The following FRMD4A variants were observed in gnomAD, a reference collection of about 807,000 sequenced individuals.
FRMD4A encodes FERM domain-containing protein 4A.
In FRMD4A, 29 loss-of-function variants were observed where a neutral mutation model predicts 129.1. The observed-to-expected ratio is 0.22, with a 90% CI of 0.17 to 0.31. The LOEUF is 0.31. Ranked by LOEUF, FRMD4A falls within the 10% of genes least tolerant of loss-of-function variation. The pLI is 1.00. For missense variants in FRMD4A, 1,272 were observed against 1,375.8 expected (o/e 0.92, Z 1.19); for synonymous variants, 634 against 571.6 (o/e 1.11, Z -1.56).
At chr10:13,927,797 G>T (rs1565054823) in intron 2 of FRMD4A, among the ~76,000 whole-genome samples, 1 of 152,178 alleles carries the variant, frequency 6.6e-6, no homozygotes, top group Non-Finnish European at 1.5e-5. Flanking sequence ...AAAGTAGTTG[G>T]CAGTGTTGGA....
At chr10:13,719,504 A>T (rs1588413405) in intron 12 of FRMD4A, among the ~76,000 whole-genome samples, 1 of 152,146 alleles carries the variant, frequency 6.6e-6, no homozygotes, top group East Asian at 1.9e-4. Context: ...CCCTACTTGC[A>T]GGTGCCGATT....
chr10:13,654,103 A>G (rs114570621), intron 23 of FRMD4A: 12,774 of 524,260 alleles, frequency 0.024, 744 homozygotes, highest in African/African-American at 0.15. Context: ...AGTATAATCC[A>G]AACCGAAATG....
intron 2 of FRMD4A, among the ~76,000 whole-genome samples, chr10:14,059,287 C>T (rs1358894810): frequency 2.6e-5 from 4 of 152,202 alleles, no homozygotes; most frequent in Non-Finnish European, 5.9e-5. Flanking sequence ...GGTAGGATGT[C>T]TTAGAGACTA....
In FRMD4A at chr10:14,085,786, A is replaced by T. The variant is rs554090973; in HGVS notation, c.46-226874T>A. On this transcript the variant is annotated intron_variant, in intron 2 of 24. Coordinates refer to ENST00000357447, the MANE Select transcript of FRMD4A (RefSeq NM_018027.5). The stretch of plus-strand genomic sequence containing the variant: ...GGACCATCTGCCTGGTCCCAAATGT[A>T]ATTCATGAACTTGGAGGGATCTGCA... 2.6e-5 allele frequency among the ~76,000 whole-genome samples: 4 copies of T among 152,336 alleles called. No homozygotes were observed. In the East Asian group the frequency reaches 7.7e-4, roughly 29 times the overall value.
chr10:13,903,351 G>A (rs527751540), intron 2 of FRMD4A, among the ~76,000 whole-genome samples: 35 of 152,136 alleles, frequency 2.3e-4, no homozygotes, highest in African/African-American at 8.4e-4. Flanking sequence ...TCCTTCCCAC[G>A]AGAGCAGGGA....
At chr10:13,833,113 G>A (rs956675310) in intron 3 of FRMD4A, among the ~76,000 whole-genome samples, 1 of 152,156 alleles carries the variant, frequency 6.6e-6, no homozygotes, top group Non-Finnish European at 1.5e-5. Context: ...CCATGGATCT[G>A]CCATAGGAAG....
intron 24 of FRMD4A, chr10:13,648,690 C>T (rs2081311740): frequency 6.6e-6 from 1 of 152,246 alleles, no homozygotes; most frequent in Admixed American, 6.5e-5. Context: ...GCTCCAGTGA[C>T]ATCGGCTGGT....
intron 2 of FRMD4A, among the ~76,000 whole-genome samples, chr10:14,266,818 G>C (rs1303532016): frequency 6.6e-6 from 1 of 151,926 alleles, no homozygotes; most frequent in Non-Finnish European, 1.5e-5. Flanking sequence ...CTACTTTCTG[G>C]GGAACACTAG....
intron 2 of FRMD4A, among the ~76,000 whole-genome samples, chr10:13,906,912 C>G (rs1312315981): frequency 6.6e-6 from 1 of 152,190 alleles, no homozygotes; most frequent in African/African-American, 2.4e-5. Flanking sequence ...CATGGGAATG[C>G]CCGTCAGTCA....
Position 14,145,743 on chromosome 10 carries a change from C to T in FRMD4A, c.45+184315G>A, listed in dbSNP as rs528286771. On this transcript the variant is annotated intron_variant, in intron 2 of 24. Coordinates refer to ENST00000357447, the MANE Select transcript of FRMD4A (RefSeq NM_018027.5). ...AGAATTAGGATTTGAACTTGTGCTG[C>T]CTAGACCCAGAAGACAGGATCTTAA... Among the ~76,000 whole-genome samples, 7 of 152,244 alleles carry T rather than the reference C, an allele frequency of 4.6e-5. No homozygotes were observed. In the East Asian group the frequency reaches 1.2e-3, roughly 25 times the overall value.
chr10:14,167,306 C>CAGATCACTTGAGGTCGGG (rs1345383404), intron 2 of FRMD4A, among the ~76,000 whole-genome samples: 14 of 151,996 alleles, frequency 9.2e-5, no homozygotes, highest in Non-Finnish European at 1.6e-4. Context: ...GTGAGGTGGG[C>CAGATCACTTGAGGTCGGG]AGATCACTTG....
intron 2 of FRMD4A, among the ~76,000 whole-genome samples, chr10:14,140,458 C>T (rs1277320679): frequency 1.3e-5 from 2 of 152,194 alleles, no homozygotes; most frequent in East Asian, 3.8e-4. Context: ...ACTTCCAACC[C>T]GTTGAGATGG....
At chr10:13,705,055 C>T (rs2087279600) in intron 13 of FRMD4A, among the ~76,000 whole-genome samples, 1 of 152,192 alleles carries the variant, frequency 6.6e-6, no homozygotes, top group African/African-American at 2.4e-5. Context: ...GCATGGGCGA[C>T]AGAATGAGAC....
intron 2 of FRMD4A, among the ~76,000 whole-genome samples, chr10:14,029,118 T>C (rs1041609574): frequency 3.3e-5 from 5 of 152,238 alleles, no homozygotes; most frequent in African/African-American, 1.2e-4. Flanking sequence ...CTTGTGGGTA[T>C]GTTTTTAAAT....
At chr10:14,153,088 C>T (rs898966023) in intron 2 of FRMD4A, among the ~76,000 whole-genome samples, 1 of 152,172 alleles carries the variant, frequency 6.6e-6, no homozygotes, top group East Asian at 1.9e-4. Context: ...TGTGGTCTTT[C>T]CAATGAGCTG....
At chr10:13,844,272 G>A (rs372383710) in intron 3 of FRMD4A, among the ~76,000 whole-genome samples, 2 of 152,116 alleles carry the variant, frequency 1.3e-5, no homozygotes, top group East Asian at 3.8e-4. Flanking sequence ...TTAAACCAAT[G>A]TTTAATGTTA....
chr10:14,130,866 C>T (rs201780587), intron 2 of FRMD4A, among the ~76,000 whole-genome samples: 13 of 152,282 alleles, frequency 8.5e-5, no homozygotes, highest in African/African-American at 2.9e-4. Flanking sequence ...AGCTGTTTGG[C>T]TTGGGATTAA....
At chr10:14,242,170 C>T (rs1364220563) in intron 2 of FRMD4A, among the ~76,000 whole-genome samples, 1 of 152,172 alleles carries the variant, frequency 6.6e-6, no homozygotes, top group Non-Finnish European at 1.5e-5. Flanking sequence ...AAGGGTTAGC[C>T]AATTCTGAGA....
chr10:13,953,802 G>C (rs1001678925), intron 2 of FRMD4A, among the ~76,000 whole-genome samples: 2 of 152,168 alleles, frequency 1.3e-5, no homozygotes, highest in African/African-American at 4.8e-5. Context: ...AGTGTATATA[G>C]GGTTTGGTAC....
Sources: allele counts gnomAD v4.1 joint callset (sites outside exome capture counted in the v4.1 genomes callset), GRCh38; gene constraint gnomAD v4.1.1; transcripts MANE v1.5; gene names NCBI Gene and HGNC (gene_info 2026-07-23, HGNC 2026-07-21).